NLRP13: variants seen among roughly 807,000 people sequenced by gnomAD.
The protein encoded by NLRP13 is NACHT, LRR and PYD domains-containing protein 13.
NLRP13 carries 82 observed loss-of-function variants against 94.4 expected under a neutral mutation model. The observed-to-expected ratio is 0.87, with a 90% CI of 0.73 to 1.04. The LOEUF is 1.04. Among genes scored for constraint, NLRP13 ranks in the 50% least tolerant of loss-of-function variants. The probability of loss-of-function intolerance (pLI) is 0.00; values close to 1 mark genes in which losing one functional copy is unlikely to be tolerated. For missense variants in NLRP13, 1,426 were observed against 1,230.8 expected (o/e 1.16, Z -2.37); for synonymous variants, 553 against 464.7 (o/e 1.19, Z -2.45).
chr19:55,892,259 T>A (rs1377274427), downstream of NLRP13: 6 of 511,832 alleles, frequency 1.2e-5, no homozygotes, highest in Admixed American at 4.4e-5. Flanking sequence ...GTGTGAATGA[T>A]CCCATCACCC....
intron 4 of NLRP13, among the ~76,000 whole-genome samples, chr19:55,918,253 C>CAAAAAAAA (rs34099048): frequency 1.2e-3 from 158 of 130,750 alleles, no homozygotes; most frequent in African/African-American, 4.3e-3. Flanking sequence ...TGTGATACAG[C>CAAAAAAAA]AAAAAAAAAA....
chr19:55,899,767 A>C (rs1352682425), intron 9 of NLRP13, among the ~76,000 whole-genome samples: 3 of 152,150 alleles, frequency 2.0e-5, no homozygotes, highest in Admixed American at 6.6e-5. Context: ...GCGACAGAGC[A>C]AGAGTCTGTT....
chr19:55,916,769 A>C (rs544532553), intron 4 of NLRP13, among the ~76,000 whole-genome samples: 1 of 152,166 alleles, frequency 6.6e-6, no homozygotes, highest in Non-Finnish European at 1.5e-5. Flanking sequence ...GGGAGAAGAA[A>C]GAGCAAAAAG....
downstream of NLRP13, chr19:55,895,929 G>T (rs755135782): frequency 3.7e-6 from 6 of 1,612,230 alleles, no homozygotes; most frequent in South Asian, 6.6e-5. Context: ...CTCCCCTGCA[G>T]AAAAGTCAGT....
intron 1 of NLRP13, among the ~76,000 whole-genome samples, chr19:55,926,124 T>A (rs1260463558): frequency 1.3e-5 from 2 of 152,194 alleles, no homozygotes; most frequent in Non-Finnish European, 2.9e-5. Context: ...AGCCAACTGT[T>A]TGACATGTGG....
At position 55,896,060 on chromosome 19, in the gene NLRP13, C is replaced by T; in HGVS notation, c.3017G>A (p.Ser1006Asn). The stretch of plus-strand genomic sequence containing the variant: ...GTTCAGATTGACCAGGCTCTTACTG[C>T]TGCTGAGAACAGAGAAGAGATGCTG... ...CCQHLFSVLSSSKSLVNLNLL... is the reference protein window; with the variant it reads ...CCQHLFSVLSNSKSLVNLNLL... Residue 1006 changes from serine (S) to asparagine (N), a missense_variant, in exon 11 of 11, where the codon AGC (serine) becomes AAC (asparagine). Coordinates refer to ENST00000342929, the MANE Select transcript of NLRP13 (RefSeq NM_176810.2). 1 of 1,614,176 alleles carries T rather than the reference C, an allele frequency of 6.2e-7. No homozygotes were observed. Among genetic ancestry groups the T allele is most frequent in the Non-Finnish European group, 8.5e-7 (1 of 1,180,022 alleles).
Position 55,912,239 on chromosome 19 carries a change from A to G in NLRP13, c.1578T>C (p.Asn526=). ...TGAAAGTAGTGCAACCCCCACAGTCATTGATCTTTTGAAGAATATTGAACT... is the reference window on the plus strand; with the variant it reads ...TGAAAGTAGTGCAACCCCCACAGTCGTTGATCTTTTGAAGAATATTGAACT... The part of the protein sequence containing the change: ...LYEFNILQKI[N]DCGGCTTFTH... Residue 526 remains asparagine (N), a synonymous_variant, in exon 5 of 11, where the codon AAT becomes AAC. Transcript: ENST00000342929. The G allele has an allele frequency of 6.2e-7, 1 of 1,614,172 alleles. No homozygotes were observed.
chr19:55,924,824 T>C (rs1000195225), intron 2 of NLRP13, 143 bp downstream of exon 2: 4 of 817,202 alleles, frequency 4.9e-6, no homozygotes, highest in African/African-American at 3.4e-5. Flanking sequence ...TAATAAGCAA[T>C]ACTGAAAGAA....
chr19:55,915,326 G>A (rs768303352), intron 4 of NLRP13, among the ~76,000 whole-genome samples: 17 of 152,182 alleles, frequency 1.1e-4, no homozygotes, highest in East Asian at 7.7e-4. Context: ...AGCCATGTGC[G>A]GTGGCTCATG....
chr19:55,926,192 G>A (rs1030453680), intron 1 of NLRP13, among the ~76,000 whole-genome samples: 6 of 152,186 alleles, frequency 3.9e-5, no homozygotes, highest in African/African-American at 9.7e-5. Flanking sequence ...TAGCTTTACT[G>A]TCAAGTATCA....
Position 55,932,065 on chromosome 19 carries a change from T to G in NLRP13, c.247A>C (p.Lys83Gln), listed in dbSNP as rs1044840044. ...DEHFPKGQAWKVVLGIFQTMN... is the reference protein window; with the variant it reads ...DEHFPKGQAWQVVLGIFQTMN... ...GTCTGGAAGATGCCGAGGACCACTT[T>G]CCATGCCTGACCTTTTGGGAAGTGT... is the stretch of plus-strand genomic sequence containing the variant. Residue 83 changes from lysine (K) to glutamine (Q), a missense_variant, in exon 1 of 11, where the codon AAA (lysine) becomes CAA (glutamine). Transcript: ENST00000342929. 5 of 1,614,132 alleles carry G rather than the reference T, an allele frequency of 3.1e-6. No individual in the cohort carries two copies. Among genetic ancestry groups the G allele is most frequent in the Non-Finnish European group, 4.2e-6 (5 of 1,180,010 alleles).
At chr19:55,930,898 A>ATATATATAC in intron 1 of NLRP13, among the ~76,000 whole-genome samples, 5 of 104,858 alleles carry the variant, frequency 4.8e-5, no homozygotes, top group Middle Eastern at 4.7e-3. Flanking sequence ...ATATATATAT[A>ATATATATAC]AAATTTTAAC....
downstream of NLRP13, among the ~76,000 whole-genome samples, chr19:55,895,243 G>A (rs374040975): frequency 6.7e-4 from 101 of 151,386 alleles, no homozygotes; most frequent in African/African-American, 2.1e-3. Context: ...TTAGCCAGGC[G>A]TAGTGGCATG....
chr19:55,923,909 C>T lies in NLRP13; in HGVS notation c.523+5G>A. On this transcript the variant is annotated splice_donor_5th_base_variant and intron_variant, in intron 4 of 10. Coordinates refer to ENST00000342929, the MANE Select transcript of NLRP13 (RefSeq NM_176810.2). ...TCCATTATCAACATAAAGTAGTATA[C>T]ACACCTGCTTCCTCTAGCATCTCTG... 6.2e-7 allele frequency: 1 copy of T among 1,611,374 alleles called. No homozygotes were observed. Among genetic ancestry groups the T allele is most frequent in the South Asian group, 1.1e-5 (1 of 91,016 alleles).
intron 4 of NLRP13, among the ~76,000 whole-genome samples, chr19:55,917,863 G>T (rs1986711248): frequency 1.3e-5 from 2 of 151,966 alleles, no homozygotes; most frequent in South Asian, 4.1e-4. Flanking sequence ...CATCAAGACA[G>T]AAAATCAACA....
Position 55,898,952 on chromosome 19 carries a change from C to CAA in NLRP13, c.2790-16_2790-15insTT, listed in dbSNP as rs780341496. ...AACCTGACAAACTGCAAAATAAAAA[C>CAA]ATACAAAAGGGGGGAAAGTAATTGC... On this transcript the variant is annotated splice_polypyrimidine_tract_variant and intron_variant, in intron 9 of 10. Coordinates refer to ENST00000342929, the MANE Select transcript of NLRP13 (RefSeq NM_176810.2). The CAA allele has an allele frequency of 6.2e-7, 1 of 1,605,152 alleles. No individual in the cohort carries two copies. Among genetic ancestry groups the CAA allele is most frequent in the East Asian group, 2.2e-5 (1 of 44,482 alleles).
intron 1 of NLRP13, among the ~76,000 whole-genome samples, chr19:55,931,286 C>T (rs1271440550): frequency 6.6e-6 from 1 of 151,924 alleles, no homozygotes; most frequent in Non-Finnish European, 1.5e-5. Context: ...GTTGCGGGGG[C>T]AGGGCGGGGG....
chr19:55,918,839 G>C (rs1986740086), intron 4 of NLRP13, among the ~76,000 whole-genome samples: 1 of 151,962 alleles, frequency 6.6e-6, no homozygotes, highest in Non-Finnish European at 1.5e-5. Flanking sequence ...TGCAGAAAAA[G>C]ATGTTGGAGA....
At chr19:55,916,677 G>A (rs2123131401) in intron 4 of NLRP13, among the ~76,000 whole-genome samples, 1 of 152,234 alleles carries the variant, frequency 6.6e-6, no homozygotes, top group Admixed American at 6.5e-5. Context: ...AAATAAACAG[G>A]ATTTTAAGAA....
Sources: gnomAD v4.1 joint callset for allele counts (sites outside exome capture counted in the v4.1 genomes callset) on GRCh38, gnomAD v4.1.1 for gene constraint, MANE v1.5 for transcripts, NCBI Gene and HGNC (gene_info 2026-07-23, HGNC 2026-07-21) for gene names.